GABPB1: variants seen among roughly 807,000 people sequenced by gnomAD.
GABPB1 encodes GA binding protein transcription factor subunit beta 1, also known as GA-binding protein subunit beta-1.
A neutral mutation model predicts 45.9 loss-of-function variants in GABPB1; 15 were observed. The observed-to-expected ratio is 0.33, with a 90% CI of 0.22 to 0.50. The LOEUF (loss-of-function observed/expected upper bound fraction) is 0.50, where lower values mean the gene tolerates loss of function less well. Ranked by LOEUF, GABPB1 falls within the 20% of genes least tolerant of loss-of-function variation. The pLI is 0.98. For synonymous variants in GABPB1, 143 were observed against 154.4 expected, an observed-to-expected ratio of 0.93 and a Z score of 0.55; for missense variants, 252 against 457.5, an observed-to-expected ratio of 0.55 and a Z score of 4.10.
Position 50,276,288 on chromosome 15 carries a change from G to A in GABPB1, c.*2344C>T, listed in dbSNP as rs2045838155. ...TTCAGAGCACTATTGAGAATGACTAGAATGCAAAGCTTTTACAGCCCACCT... is the reference window on the plus strand; with the variant it reads ...TTCAGAGCACTATTGAGAATGACTAAAATGCAAAGCTTTTACAGCCCACCT... On this transcript the variant is annotated 3_prime_UTR_variant, in exon 9 of 9. Transcript: ENST00000380877. 1 of 152,186 alleles carries A rather than the reference G, an allele frequency of 6.6e-6. No individual in the cohort carries two copies. The highest frequency in any genetic ancestry group is 1.5e-5 in the Non-Finnish European group (1 of 68,022). The allele number at this position is 152,186 out of a possible 1,614,324, so 9.4% of individuals were successfully genotyped here.
chr15:50,339,103 A>G (rs982651588), intron 1 of GABPB1, among the ~76,000 whole-genome samples: 1 of 152,154 alleles, frequency 6.6e-6, no homozygotes, highest in Non-Finnish European at 1.5e-5. Flanking sequence ...CCCTGACCTC[A>G]GGGTCAGGAG....
Position 50,286,882 on chromosome 15 carries a change from C to T in GABPB1, c.884-699G>A, listed in dbSNP as rs190022594. Among the ~76,000 whole-genome samples, 633 of 152,258 alleles carry T rather than the reference C, an allele frequency of 4.2e-3. 4 individuals are homozygous for T. The highest frequency in any genetic ancestry group is 0.014 in the African/African-American group (597 of 41,540). On this transcript the variant is annotated intron_variant, in intron 7 of 8. Coordinates refer to ENST00000380877, the MANE Select transcript of GABPB1 (RefSeq NM_016654.5). Reference sequence around the variant, plus strand: ...AGGAACATAAAAATGACTGTGCAAGCTGAAACCATGCGAAGCCATTTTAAT... The same window carrying T: ...AGGAACATAAAAATGACTGTGCAAGTTGAAACCATGCGAAGCCATTTTAAT...
intron 1 of GABPB1, among the ~76,000 whole-genome samples, chr15:50,336,277 C>A (rs1336304067): frequency 2.6e-5 from 4 of 151,218 alleles, no homozygotes; most frequent in African/African-American, 9.7e-5. Flanking sequence ...CTGCTTGAAC[C>A]CAGGAGGCAG....
Position 50,312,823 on chromosome 15 carries a change from G to A in GABPB1, c.1-3025C>T, listed in dbSNP as rs532260782. On this transcript the variant is annotated intron_variant, in intron 1 of 8. Transcript: ENST00000380877. The stretch of plus-strand genomic sequence containing the variant: ...TCTGAGTATCTTTTGTGAAGTGAGA[G>A]TTTAGGGCTTTTCCCCACCTTTTGA... Among the ~76,000 whole-genome samples, 3 of 152,250 alleles carry A rather than the reference G, an allele frequency of 2.0e-5. No homozygotes were observed. In the South Asian group the frequency reaches 6.2e-4, roughly 32 times the overall value.
At chr15:50,296,694 C>T (rs1400306438) in intron 6 of GABPB1, among the ~76,000 whole-genome samples, 1 of 152,094 alleles carries the variant, frequency 6.6e-6, no homozygotes, top group African/African-American at 2.4e-5. Context: ...GGAGGTCCCA[C>T]TAATGTATTT....
chr15:50,354,328 G>C, intron 1 of GABPB1: 1 of 447,088 alleles, frequency 2.2e-6, no homozygotes, highest in East Asian at 7.7e-5. Flanking sequence ...CAGTCCCCGC[G>C]GCCAAGGCTG....
intron 1 of GABPB1, among the ~76,000 whole-genome samples, chr15:50,343,335 T>C (rs958663257): frequency 6.6e-6 from 1 of 152,138 alleles, no homozygotes; most frequent in Non-Finnish European, 1.5e-5. Flanking sequence ...ATTCTCCCCC[T>C]TAGTCACTGT....
At chr15:50,348,514 G>T (rs998216015) in intron 1 of GABPB1, among the ~76,000 whole-genome samples, 1 of 150,842 alleles carries the variant, frequency 6.6e-6, no homozygotes, top group Admixed American at 6.6e-5. Flanking sequence ...GCCTCCCAAA[G>T]TGCTGGGATT....
rs16963629 is a variant in GABPB1, at chr15:50,324,994, G to C, written c.1-15196C>G. On this transcript the variant is annotated intron_variant, in intron 1 of 8. Coordinates refer to ENST00000380877, the MANE Select transcript of GABPB1 (RefSeq NM_016654.5). Reference sequence around the variant, plus strand: ...TGTTTCTTGTCTCCACTTTTTAGAGGGCTGGCCCCACCAGACATGCATAGC... The same window carrying C: ...TGTTTCTTGTCTCCACTTTTTAGAGCGCTGGCCCCACCAGACATGCATAGC... Among the ~76,000 whole-genome samples, 235 of 152,182 alleles carry C rather than the reference G, an allele frequency of 1.5e-3. 4 individuals carry two copies. Among genetic ancestry groups the C allele is most frequent in the African/African-American group, 5.5e-3 (228 of 41,538 alleles).
At chr15:50,339,878 A>C (rs988516636) in intron 1 of GABPB1, among the ~76,000 whole-genome samples, 1 of 152,136 alleles carries the variant, frequency 6.6e-6, no homozygotes, top group African/African-American at 2.4e-5. Context: ...GCATTACCTG[A>C]TAATATTATC....
rs71424053 is a variant in GABPB1, at chr15:50,317,421, G to GAA, written c.1-7625_1-7624dup. On this transcript the variant is annotated intron_variant, in intron 1 of 8. Transcript: ENST00000380877. The stretch of plus-strand genomic sequence containing the variant: ...CTCCGTCTCAAAAAAAAAAAAGAAA[G>GAA]AAAAAAAAAAACCACTTGGAAACAA... Among the ~76,000 whole-genome samples the GAA allele has an allele frequency of 7.1e-4, 97 of 136,220 alleles. No homozygotes were observed. In the Middle Eastern group the frequency reaches 0.015, roughly 21 times the overall value. 89.4% of individuals were successfully genotyped at this position (136,220 alleles called of 152,430 possible).
rs1300229606 is a variant in GABPB1, at chr15:50,276,954, G to A, written c.*1678C>T. 2.6e-5 allele frequency: 4 copies of A among 152,108 alleles called. No homozygotes were observed. Among genetic ancestry groups the A allele is most frequent in the Non-Finnish European group, 5.9e-5 (4 of 68,018 alleles). 9.4% of individuals were successfully genotyped at this position (152,108 alleles called of 1,614,324 possible). A position where few individuals can be genotyped will look rare whatever the true frequency, so the allele number is the denominator to read the frequency against. On this transcript the variant is annotated 3_prime_UTR_variant, in exon 9 of 9. Transcript: ENST00000380877. ...TCACTTAAAATATGTCAAATTTAGT[G>A]GAAAATTGAAAAAGATCTTTTTCCT... is the stretch of plus-strand genomic sequence containing the variant.
chr15:50,305,482 G>C (rs2046917651), intron 2 of GABPB1, among the ~76,000 whole-genome samples: 1 of 152,122 alleles, frequency 6.6e-6, no homozygotes, highest in African/African-American at 2.4e-5. Flanking sequence ...CTCCAGAGTA[G>C]CTGGGACTAC....
chr15:50,292,724 A>T (rs2046389910), intron 6 of GABPB1, among the ~76,000 whole-genome samples: 1 of 152,200 alleles, frequency 6.6e-6, no homozygotes, highest in Non-Finnish European at 1.5e-5. Context: ...AGAAAATAAA[A>T]TGGAGCTGTG....
In GABPB1 at chr15:50,306,552, G is replaced by A. The variant is rs1439187267; in HGVS notation, c.109-2419C>T. Among the ~76,000 whole-genome samples the A allele has an allele frequency of 4.6e-5, 7 of 151,438 alleles. No individual in the cohort carries two copies. The South Asian group carries it at 6.3e-4, about 14-fold the overall frequency. ...TGAGGCAGGAGAATCACTTGAACCCGGGAGGCAGAGGCTTCAGTGAGCCAA... is the reference window on the plus strand; with the variant it reads ...TGAGGCAGGAGAATCACTTGAACCCAGGAGGCAGAGGCTTCAGTGAGCCAA... On this transcript the variant is annotated intron_variant, in intron 2 of 8. Transcript: ENST00000380877.
At position 50,276,056 on chromosome 15, in the gene GABPB1, A is replaced by G. The variant is rs1274594426; in HGVS notation, c.*2576T>C. On this transcript the variant is annotated 3_prime_UTR_variant, in exon 9 of 9. Coordinates refer to ENST00000380877, the MANE Select transcript of GABPB1 (RefSeq NM_016654.5). ...AGAAAATAATTCATTACACCATAAC[A>G]CTAAATGGCTTGTCTTGCAGAACCC... 1 of 152,176 alleles carries G rather than the reference A, an allele frequency of 6.6e-6. No individual in the cohort carries two copies. The highest frequency in any genetic ancestry group is 6.5e-5 in the Admixed American group (1 of 15,278). The allele number at this position is 152,176 out of a possible 1,614,324, so 9.4% of individuals were successfully genotyped here. A position where few individuals can be genotyped will look rare whatever the true frequency, so the allele number is the denominator to read the frequency against.
intron 1 of GABPB1, among the ~76,000 whole-genome samples, chr15:50,336,547 G>A (rs1177976090): frequency 6.6e-6 from 1 of 151,772 alleles, no homozygotes. Flanking sequence ...GCCAGGCATG[G>A]TGGCACACAG....
chr15:50,309,753 C>T lies in GABPB1; in HGVS notation c.46G>A (p.Ala16Thr), dbSNP rs2047066978. Residue 16 changes from alanine to threonine, a missense_variant, in exon 2 of 9, where the codon GCA (alanine) becomes ACA (threonine). Coordinates refer to ENST00000380877, the MANE Select transcript of GABPB1 (RefSeq NM_016654.5). ...ATACGAACTTCATCATCTTGACCTG[C>T]TCGTGCCGCTTCTAAAAGCTTCTTT... ...LGKKLLEAAR[A>T]GQDDEVRILM... 2 of 1,613,690 alleles carry T rather than the reference C, an allele frequency of 1.2e-6. No homozygotes were observed. The highest frequency in any genetic ancestry group is 3.3e-5 in the Admixed American group (2 of 60,014).
At chr15:50,323,006 G>T (rs1212958407) in intron 1 of GABPB1, among the ~76,000 whole-genome samples, 1 of 152,156 alleles carries the variant, frequency 6.6e-6, no homozygotes, top group Non-Finnish European at 1.5e-5. Flanking sequence ...TCCTGTCTGG[G>T]CAACAGGAGT....
Sources: gnomAD v4.1 joint callset for allele counts (sites outside exome capture counted in the v4.1 genomes callset) on GRCh38, gnomAD v4.1.1 for gene constraint, MANE v1.5 for transcripts, NCBI Gene and HGNC (gene_info 2026-07-23, HGNC 2026-07-21) for gene names.